NTRK3: variants seen among roughly 807,000 people sequenced by gnomAD.
NTRK3 encodes the protein neurotrophic receptor tyrosine kinase 3, also known as NT-3 growth factor receptor.
NTRK3 carries 24 observed loss-of-function variants against 91.7 expected under a neutral mutation model. That is an observed-to-expected ratio of 0.26 (90% CI 0.19 to 0.37). NTRK3 has a LOEUF of 0.37. Ranked by LOEUF, NTRK3 falls within the 10% of genes least tolerant of loss-of-function variation. The probability of loss-of-function intolerance (pLI) is 1.00; values close to 1 mark genes in which losing one functional copy is unlikely to be tolerated. For missense variants in NTRK3, 880 were observed against 1,068.9 expected (o/e 0.82, Z 2.46); for synonymous variants, 483 against 404.0 (o/e 1.20, Z -2.34).
chr15:88,149,838 TG>T (rs1342326314), intron 5 of NTRK3, among the ~76,000 whole-genome samples: 1 of 152,252 alleles, frequency 6.6e-6, no homozygotes, highest in Non-Finnish European at 1.5e-5. Context: ...CTGGCCTTTA[TG>T]AGGTTTTATT....
Position 88,014,589 on chromosome 15 carries a change from A to AT in NTRK3, c.1585+18267dup, listed in dbSNP as rs527252102. On this transcript the variant is annotated intron_variant, in intron 14 of 18. Transcript: ENST00000394480. ...GGGTCCAAGATTTGAAGGCAAAAAT[A>AT]TAAGCGAGGATCATATTGCAACTGC... Among the ~76,000 whole-genome samples the AT allele has an allele frequency of 9.2e-5, 14 of 152,352 alleles. No homozygotes were observed. The South Asian group carries it at 1.2e-3, about 14-fold the overall frequency.
intron 3 of NTRK3, among the ~76,000 whole-genome samples, chr15:88,247,324 G>A (rs1354262896): frequency 6.6e-6 from 1 of 152,180 alleles, no homozygotes; most frequent in Non-Finnish European, 1.5e-5. Flanking sequence ...AGCGAGGCAG[G>A]GCCCTTCGTT....
intron 13 of NTRK3, 48 bp from the exon 14 acceptor site, chr15:88,033,093 C>T (rs2142025961): frequency 6.5e-7 from 1 of 1,534,360 alleles, no homozygotes. Flanking sequence ...CACATCCGGC[C>T]AGTTTCCAGC....
chr15:88,222,733 G>A (rs1032614602), intron 3 of NTRK3, among the ~76,000 whole-genome samples: 2 of 152,132 alleles, frequency 1.3e-5, no homozygotes, highest in Non-Finnish European at 2.9e-5. Flanking sequence ...GGAGGTCATG[G>A]CCATAATCTG....
chr15:88,015,117 T>C (rs2077137046), intron 14 of NTRK3, among the ~76,000 whole-genome samples: 1 of 152,226 alleles, frequency 6.6e-6, no homozygotes, highest in African/African-American at 2.4e-5. Flanking sequence ...TATGTCTGCC[T>C]GGAACTGTCC....
At position 87,929,462 on chromosome 15, in the gene NTRK3, G is replaced by A. The variant is rs918359373; in HGVS notation, c.1890-28C>T. The A allele has an allele frequency of 2.7e-5, 44 of 1,611,626 alleles. No homozygotes were observed. In the African/African-American group the frequency reaches 5.9e-4, roughly 22 times the overall value. On this transcript the variant is annotated intron_variant, in intron 16 of 18. Transcript: ENST00000394480. ...GCAAGAGCATGGGGAGAAGAGAGGG[G>A]GCAGAGAGAAATCAGGAGATCAAGG...
exon 19 of NTRK3, chr15:87,860,416 A>G (rs1319224309): frequency 9.1e-6 from 2 of 220,366 alleles, no homozygotes; most frequent in Non-Finnish European, 9.1e-6. Context: ...CCTTTTCAAC[A>G]TATCCCTTAA....
At chr15:87,968,559 T>C (rs1365168483) in intron 14 of NTRK3, among the ~76,000 whole-genome samples, 1 of 152,198 alleles carries the variant, frequency 6.6e-6, no homozygotes, top group Non-Finnish European at 1.5e-5. Context: ...GAAACGAAAG[T>C]ATTGATATCT....
chr15:87,860,538 CCT>C (rs2064498071), exon 19 of NTRK3: 1 of 200,848 alleles, frequency 5.0e-6, no homozygotes, highest in Non-Finnish European at 1.0e-5. Context: ...AGACAATAAA[CCT>C]CTTCTCCAAA....
At chr15:88,098,124 G>C (rs1179638235) in intron 13 of NTRK3, among the ~76,000 whole-genome samples, 1 of 152,204 alleles carries the variant, frequency 6.6e-6, no homozygotes, top group Non-Finnish European at 1.5e-5. Context: ...GCTACTGAAA[G>C]GATAAGGCCA....
Position 87,866,285 on chromosome 15 carries a change from T to C in NTRK3, c.*10650A>G, listed in dbSNP as rs1265273165. The stretch of plus-strand genomic sequence containing the variant: ...TTTGCCATTTTATCCTAGAAAGCAT[T>C]CATAATAGACCCCAACTCTTTCCTA... On this transcript the variant is annotated 3_prime_UTR_variant, in exon 19 of 19. Transcript: ENST00000394480. 2 of 201,306 alleles carry C rather than the reference T, an allele frequency of 9.9e-6. 1 individual carries two copies. The highest frequency in any genetic ancestry group is 4.6e-5 in the African/African-American group (2 of 43,448). 12.5% of individuals were successfully genotyped at this position (201,306 alleles called of 1,614,324 possible). A position where few individuals can be genotyped will look rare whatever the true frequency, so the allele number is the denominator to read the frequency against.
intron 17 of NTRK3, 104 bp from the exon 18 acceptor site, chr15:87,885,839 GA>G (rs1204878252): frequency 2.0e-5 from 9 of 446,716 alleles, no homozygotes; most frequent in Admixed American, 4.4e-5. Flanking sequence ...ACATGTTCAA[GA>G]AGCCATCAAG....
intron 3 of NTRK3, among the ~76,000 whole-genome samples, chr15:88,215,779 T>C (rs1440850200): frequency 6.6e-6 from 1 of 152,220 alleles, no homozygotes; most frequent in Admixed American, 6.5e-5. Flanking sequence ...AACATCTATA[T>C]ATACTTTTAA....
chr15:88,051,676 C>G (rs1300690262), intron 13 of NTRK3, among the ~76,000 whole-genome samples: 1 of 152,118 alleles, frequency 6.6e-6, no homozygotes, highest in Non-Finnish European at 1.5e-5. Flanking sequence ...ACGTAAAGCC[C>G]TTGGCATGGT....
chr15:87,900,031 TGAGAG>T (rs2066357258), intron 17 of NTRK3, among the ~76,000 whole-genome samples: 1 of 152,222 alleles, frequency 6.6e-6, no homozygotes, highest in Non-Finnish European at 1.5e-5. Flanking sequence ...TGCTTGCTGC[TGAGAG>T]GAGAGAGCTC....
At chr15:87,883,442 T>C (rs1439266546) in intron 17 of NTRK3, among the ~76,000 whole-genome samples, 10 of 149,642 alleles carry the variant, frequency 6.7e-5, no homozygotes, top group Admixed American at 6.7e-4. Context: ...AAGTTATAAA[T>C]AAAAGAAAAC....
intron 13 of NTRK3, among the ~76,000 whole-genome samples, chr15:88,059,801 T>C (rs1053336999): frequency 6.6e-6 from 1 of 151,920 alleles, no homozygotes; most frequent in Non-Finnish European, 1.5e-5. Flanking sequence ...GGAGAAAAGG[T>C]CTTTAAGGGG....
At chr15:88,089,993 C>T (rs77514178) in intron 13 of NTRK3, among the ~76,000 whole-genome samples, 3,143 of 152,312 alleles carry the variant, frequency 0.021, 77 homozygotes, top group African/African-American at 0.064. Flanking sequence ...CTCCAGGCTG[C>T]TCTTTGAACA....
At chr15:88,246,515 A>C (rs1383858550) in intron 3 of NTRK3, among the ~76,000 whole-genome samples, 1 of 152,186 alleles carries the variant, frequency 6.6e-6, no homozygotes. Flanking sequence ...GCCTGTATAA[A>C]GCTCGCTTCC....
Sources: gnomAD v4.1 joint callset for allele counts (sites outside exome capture counted in the v4.1 genomes callset) on GRCh38, gnomAD v4.1.1 for gene constraint, MANE v1.5 for transcripts, NCBI Gene and HGNC (gene_info 2026-07-23, HGNC 2026-07-21) for gene names.